Variants in ACADSB observed in about 807,000 individuals in gnomAD.
ACADSB encodes the protein short/branched chain specific acyl-CoA dehydrogenase, mitochondrial.
A neutral mutation model predicts 54.1 loss-of-function variants in ACADSB; 40 were observed. The observed-to-expected ratio is 0.74, with a 90% CI of 0.57 to 0.96. The LOEUF is 0.96. Ranked by LOEUF, ACADSB falls within the 40% of genes least tolerant of loss-of-function variation. The pLI, the probability that ACADSB is intolerant of heterozygous loss-of-function variation, is 0.00. For missense variants in ACADSB, 530 were observed against 510.4 expected, an observed-to-expected ratio of 1.04 and a Z score of -0.37; for synonymous variants, 182 against 182.8, an observed-to-expected ratio of 1.00 and a Z score of 0.03.
At chr10:123,046,134 C>T (rs1229094695) in intron 7 of ACADSB, among the ~76,000 whole-genome samples, 1 of 152,168 alleles carries the variant, frequency 6.6e-6, no homozygotes, top group Middle Eastern at 3.2e-3. Context: ...ATCTCACAGC[C>T]AAGAGTGCAG....
At chr10:123,011,878 T>C (rs1329926980) in intron 1 of ACADSB, among the ~76,000 whole-genome samples, 1 of 150,146 alleles carries the variant, frequency 6.7e-6, no homozygotes, top group African/African-American at 2.5e-5. Context: ...TTTAGACAAG[T>C]TTTCACTCTC....
At chr10:123,015,197 G>C (rs919913126) in intron 1 of ACADSB, among the ~76,000 whole-genome samples, 1 of 152,212 alleles carries the variant, frequency 6.6e-6, no homozygotes, top group Non-Finnish European at 1.5e-5. Context: ...CAGTTACTTT[G>C]CACATGCAAA....
Position 123,043,251 on chromosome 10 carries a change from T to C in ACADSB, c.807+80T>C, listed in dbSNP as rs1455082060. The C allele has an allele frequency of 3.8e-6, 6 of 1,570,860 alleles. No homozygotes were observed. In the African/African-American group the frequency reaches 6.8e-5, roughly 18 times the overall value. Reference sequence around the variant, plus strand: ...AACCACAGGAGGTGTGCAAGACAGGTGTCAAAATACTAAGTGGCTATAAGC... The same window carrying C: ...AACCACAGGAGGTGTGCAAGACAGGCGTCAAAATACTAAGTGGCTATAAGC... On this transcript the variant is annotated intron_variant, in intron 6 of 10. Transcript: ENST00000358776.
At chr10:123,035,331 G>A (rs1850384622) in intron 2 of ACADSB, among the ~76,000 whole-genome samples, 4 of 152,238 alleles carry the variant, frequency 2.6e-5, no homozygotes, top group South Asian at 2.1e-4. Context: ...GTTGAAACAC[G>A]GAGCCCAAAT....
chr10:123,012,529 G>T (rs1406999091), intron 1 of ACADSB, among the ~76,000 whole-genome samples: 6 of 152,120 alleles, frequency 3.9e-5, no homozygotes, highest in Non-Finnish European at 8.8e-5. Flanking sequence ...GGTGTGTCTG[G>T]AGTTTGTTCC....
At position 123,045,920 on chromosome 10, in the gene ACADSB, C is replaced by T. The variant is rs147323301; in HGVS notation, c.901-1289C>T. ...GATACCTTTGAGAGGAAGAGGCACA[C>T]GGAGTATAACAGTGAACTGAAGGCA... is the stretch of plus-strand genomic sequence containing the variant. On this transcript the variant is annotated intron_variant, in intron 7 of 10. Coordinates refer to ENST00000358776, the MANE Select transcript of ACADSB (RefSeq NM_001609.4). Among the ~76,000 whole-genome samples the T allele has an allele frequency of 4.9e-3, 747 of 152,216 alleles. 3 individuals carry two copies. Among genetic ancestry groups the T allele is most frequent in the African/African-American group, 0.017 (711 of 41,522 alleles).
chr10:123,033,622 T>C (rs993937154), intron 1 of ACADSB, among the ~76,000 whole-genome samples: 2 of 152,140 alleles, frequency 1.3e-5, no homozygotes, highest in African/African-American at 4.8e-5. Flanking sequence ...TACTATATGC[T>C]CAGCCCTTTT....
At chr10:123,019,374 G>A (rs868718010) in intron 1 of ACADSB, among the ~76,000 whole-genome samples, 14 of 152,142 alleles carry the variant, frequency 9.2e-5, no homozygotes, top group African/African-American at 2.7e-4. Context: ...GGAAATACAC[G>A]TGCCATAGGA....
chr10:123,024,074 T>C (rs1334012598), intron 1 of ACADSB, among the ~76,000 whole-genome samples: 2 of 152,240 alleles, frequency 1.3e-5, no homozygotes, highest in Non-Finnish European at 2.9e-5. Context: ...AGCTTTCCTT[T>C]GGTTCCTGGA....
intron 1 of ACADSB, among the ~76,000 whole-genome samples, chr10:123,026,726 GA>G (rs72138057): frequency 0.5 from 74,202 of 148,322 alleles, 19,511 homozygotes; most frequent in Non-Finnish European, 0.61. Context: ...ATTGCTAAAT[GA>G]AAAAAAAAAA....
At chr10:123,021,004 A>G (rs2133460517) in intron 1 of ACADSB, among the ~76,000 whole-genome samples, 1 of 152,284 alleles carries the variant, frequency 6.6e-6, no homozygotes, top group South Asian at 2.1e-4. Flanking sequence ...CTCCGTCTCA[A>G]TAAATAAATA....
chr10:123,017,518 ATCTTGGTCAGGCTGG>A (rs1171391318), intron 1 of ACADSB, among the ~76,000 whole-genome samples: 2 of 152,144 alleles, frequency 1.3e-5, no homozygotes, highest in Non-Finnish European at 2.9e-5. Context: ...GGATTTTACC[ATCTTGGTCAGGCTGG>A]TCTGGAACTC....
intron 1 of ACADSB, among the ~76,000 whole-genome samples, chr10:123,013,723 G>A (rs1235450044): frequency 1.3e-5 from 2 of 152,350 alleles, no homozygotes; most frequent in African/African-American, 2.4e-5. Flanking sequence ...GGGACCCGGC[G>A]CACCCTCCAC....
At chr10:123,019,812 A>G (rs1017713495) in intron 1 of ACADSB, among the ~76,000 whole-genome samples, 2 of 152,212 alleles carry the variant, frequency 1.3e-5, no homozygotes, top group Non-Finnish European at 2.9e-5. Context: ...CCAACAGCAT[A>G]AGGATCCCTT....
At chr10:123,020,417 G>A (rs191998953) in intron 1 of ACADSB, among the ~76,000 whole-genome samples, 203 of 152,310 alleles carry the variant, frequency 1.3e-3, no homozygotes, top group Non-Finnish European at 1.4e-3. Context: ...GAAGCATTAT[G>A]CCAACTCTGG....
In ACADSB at chr10:123,012,161, C is replaced by T. The variant is rs1272430078; in HGVS notation, c.42+3090C>T. On this transcript the variant is annotated intron_variant, in intron 1 of 10. Coordinates refer to ENST00000358776, the MANE Select transcript of ACADSB (RefSeq NM_001609.4). ...CATTGCACCCAGCCAAGAGGTGATT[C>T]TTGACAAATATCCTTGACGTGAATT... Among the ~76,000 whole-genome samples, 4 of 152,212 alleles carry T rather than the reference C, an allele frequency of 2.6e-5. No homozygotes were observed. The East Asian group carries it at 7.7e-4, about 29-fold the overall frequency.
intron 3 of ACADSB, among the ~76,000 whole-genome samples, chr10:123,039,447 G>T (rs962535782): frequency 6.6e-6 from 1 of 152,194 alleles, no homozygotes; most frequent in African/African-American, 2.4e-5. Flanking sequence ...TTGTGAAATT[G>T]AGAGTACTAT....
At position 123,041,394 on chromosome 10, in the gene ACADSB, G is replaced by T; in HGVS notation, c.681+15G>T. The T allele has an allele frequency of 6.2e-7, 1 of 1,613,880 alleles. No individual in the cohort carries two copies. The highest frequency in any genetic ancestry group is 8.5e-7 in the Non-Finnish European group (1 of 1,179,774). ...ACCCTACCATTGTAAGTTTGAAAAC[G>T]AAATTTCTTTCTTTTTCCAAACCCC... On this transcript the variant is annotated intron_variant, in intron 5 of 10. Transcript: ENST00000358776.
intron 7 of ACADSB, 127 bp downstream of exon 7, chr10:123,044,612 A>G (rs1203461469): frequency 1.9e-5 from 14 of 747,428 alleles, no homozygotes; most frequent in Non-Finnish European, 3.3e-5. Flanking sequence ...TACATGAGGG[A>G]TAGAATGGCT....
Sources: allele counts gnomAD v4.1 joint callset (sites outside exome capture counted in the v4.1 genomes callset), GRCh38; gene constraint gnomAD v4.1.1; transcripts MANE v1.5; gene names NCBI Gene and HGNC (gene_info 2026-07-23, HGNC 2026-07-21).